Variants in KLHL29 observed in about 807,000 individuals in gnomAD.
KLHL29 encodes kelch like family member 29.
In KLHL29, 21 loss-of-function variants were observed where a neutral mutation model predicts 80.4. That is an observed-to-expected ratio of 0.26 (90% CI 0.19 to 0.38). The LOEUF is 0.38. Among genes scored for constraint, KLHL29 ranks in the 10% least tolerant of loss-of-function variants. KLHL29 has a pLI of 1.00. For missense variants in KLHL29, 867 were observed against 1,223.9 expected (o/e 0.71, Z 4.35); for synonymous variants, 511 against 526.8 (o/e 0.97, Z 0.41).
chr2:23,643,153 C>T (rs1205371639), intron 5 of KLHL29: 7 of 543,746 alleles, frequency 1.3e-5, no homozygotes, highest in Non-Finnish European at 1.7e-5. Flanking sequence ...TGGCCATTCT[C>T]ACCTCCAACC....
At chr2:23,493,656 T>C (rs143072348) in intron 2 of KLHL29, among the ~76,000 whole-genome samples, 99 of 152,242 alleles carry the variant, frequency 6.5e-4, no homozygotes, top group Middle Eastern at 3.4e-3. Context: ...TGTGTGTGTG[T>C]GCGCGCATGT....
rs1222422995 is a variant in KLHL29, at chr2:23,684,899, C to T, written c.1079+362C>T. On this transcript the variant is annotated intron_variant, in intron 6 of 13. Transcript: ENST00000486442. This position sits in a 1 kb window ranked among gnomAD's most constrained non-coding sequence, Gnocchi z 4.4. ...CTGTAGGCTCCATTTTAAGGGATCACTACACACTGCCCCCACCGGGCCAGA... is the reference window on the plus strand; with the variant it reads ...CTGTAGGCTCCATTTTAAGGGATCATTACACACTGCCCCCACCGGGCCAGA... Among the ~76,000 whole-genome samples, 1 of 152,156 alleles carries T rather than the reference C, an allele frequency of 6.6e-6. No homozygotes were observed. Among genetic ancestry groups the T allele is most frequent in the African/African-American group, 2.4e-5 (1 of 41,446 alleles).
At chr2:23,463,070 T>C (rs1378295928) in intron 1 of KLHL29, among the ~76,000 whole-genome samples, 1 of 142,426 alleles carries the variant, frequency 7.0e-6, no homozygotes, top group Non-Finnish European at 1.6e-5. Context: ...TTGCCTCCCA[T>C]GTTTTTTTTT....
At chr2:23,576,384 T>C (rs1026564415) in intron 3 of KLHL29, among the ~76,000 whole-genome samples, 5 of 151,794 alleles carry the variant, frequency 3.3e-5, no homozygotes, top group Non-Finnish European at 7.4e-5. Flanking sequence ...GGAGATGATA[T>C]TGAGCAAAAT....
At chr2:23,506,707 G>A (rs1211948258) in intron 2 of KLHL29, among the ~76,000 whole-genome samples, 2 of 152,204 alleles carry the variant, frequency 1.3e-5, no homozygotes, top group Admixed American at 1.3e-4. Flanking sequence ...GGACCATGTG[G>A]CTCAGCAGCC....
intron 11 of KLHL29, chr2:23,697,896 G>GA (rs1267580225): frequency 6.6e-6 from 1 of 152,162 alleles, no homozygotes; most frequent in African/African-American, 2.4e-5. Context: ...ACAAACACAT[G>GA]AAAAATGAGA....
At chr2:23,489,923 T>C (rs1202893423) in intron 2 of KLHL29, among the ~76,000 whole-genome samples, 1 of 152,154 alleles carries the variant, frequency 6.6e-6, no homozygotes, top group East Asian at 1.9e-4. Flanking sequence ...GGAGACTCCT[T>C]GTCCACTCTA....
At chr2:23,532,542 C>A (rs1438405764) in intron 2 of KLHL29, 1 of 456,526 alleles carries the variant, frequency 2.2e-6, no homozygotes, top group Non-Finnish European at 4.4e-6. Flanking sequence ...TTTCTTGCTC[C>A]TATGTTAAAA....
rs548583147 is a variant in KLHL29 at position 23,707,751 on chromosome 2, T to G, written c.*1087T>G. The stretch of plus-strand genomic sequence containing the variant: ...AAGCACAGGAGACTATTTTTGATAT[T>G]CATAGCTATATATTAAGGCACCTGC... On this transcript the variant is annotated 3_prime_UTR_variant, in exon 14 of 14. Transcript: ENST00000486442. 5.3e-5 allele frequency: 8 copies of G among 152,170 alleles called. No individual in the cohort carries two copies. Among genetic ancestry groups the G allele is most frequent in the Non-Finnish European group, 1.2e-4 (8 of 68,050 alleles). The allele number at this position is 152,170 out of a possible 1,614,324, so 9.4% of individuals were successfully genotyped here.
At chr2:23,510,111 A>G (rs1407844596) in intron 2 of KLHL29, among the ~76,000 whole-genome samples, 2 of 152,070 alleles carry the variant, frequency 1.3e-5, no homozygotes, top group Non-Finnish European at 2.9e-5. Flanking sequence ...ACGGAGGTGG[A>G]GCTGAGAGCA....
In KLHL29 at chr2:23,648,000, A is replaced by G. The variant is rs377233558; in HGVS notation, c.940+5150A>G. ...AGCACTGAGCTGAGAATCACCCACC[A>G]GGGTTCTGTGACTTCCCCTTCCCTT... On this transcript the variant is annotated intron_variant, in intron 5 of 13. Coordinates refer to ENST00000486442, the MANE Select transcript of KLHL29 (RefSeq NM_052920.2). The surrounding 1 kb of genome is among the most constrained non-coding windows in gnomAD (Gnocchi z 4.9). Among the ~76,000 whole-genome samples, 25 of 152,226 alleles carry G rather than the reference A, an allele frequency of 1.6e-4. No homozygotes were observed. In the South Asian group the frequency reaches 3.7e-3, roughly 23 times the overall value.
intron 7 of KLHL29, among the ~76,000 whole-genome samples, chr2:23,692,080 AG>A (rs1671646918): frequency 1.3e-5 from 2 of 152,202 alleles, no homozygotes; most frequent in Non-Finnish European, 2.9e-5. Flanking sequence ...TGGAATGAAG[AG>A]GACTCCGTGT....
At chr2:23,598,100 A>G (rs1001702509) in intron 3 of KLHL29, among the ~76,000 whole-genome samples, 1 of 152,244 alleles carries the variant, frequency 6.6e-6, no homozygotes, top group Non-Finnish European at 1.5e-5. Flanking sequence ...GGTACAAATA[A>G]TAACCAGCCT....
chr2:23,700,136 T>C lies in KLHL29; in HGVS notation c.2106-3050T>C, dbSNP rs1290915076. On this transcript the variant is annotated intron_variant, in intron 11 of 13. Coordinates refer to ENST00000486442, the MANE Select transcript of KLHL29 (RefSeq NM_052920.2). The surrounding 1 kb of genome is among the most constrained non-coding windows in gnomAD (Gnocchi z 4.6). ...ATCATCAGCACTCCCGTCTCTTTCATACACATTTAATCTTTCATTATCCAG... is the reference window on the plus strand; with the variant it reads ...ATCATCAGCACTCCCGTCTCTTTCACACACATTTAATCTTTCATTATCCAG... Among the ~76,000 whole-genome samples the C allele has an allele frequency of 1.3e-5, 2 of 152,216 alleles. No homozygotes were observed. Among genetic ancestry groups the C allele is most frequent in the African/African-American group, 4.8e-5 (2 of 41,458 alleles).
intron 1 of KLHL29, among the ~76,000 whole-genome samples, chr2:23,445,189 C>T (rs964658831): frequency 6.6e-6 from 1 of 152,192 alleles, no homozygotes; most frequent in Non-Finnish European, 1.5e-5. Context: ...AAAGTCAAAA[C>T]CATATAATAC....
chr2:23,517,532 G>A (rs980167930), intron 2 of KLHL29, among the ~76,000 whole-genome samples: 15 of 152,248 alleles, frequency 9.9e-5, no homozygotes, highest in Non-Finnish European at 7.3e-5. Context: ...CCGACAGAGC[G>A]AGACTCCGTC....
intron 1 of KLHL29, among the ~76,000 whole-genome samples, chr2:23,434,569 T>C (rs1455057100): frequency 6.6e-6 from 1 of 152,194 alleles, no homozygotes; most frequent in Non-Finnish European, 1.5e-5. Flanking sequence ...TTGGGCCTTG[T>C]AGACGGGAAG....
chr2:23,443,973 T>A (rs1045305859), intron 1 of KLHL29, among the ~76,000 whole-genome samples: 1 of 152,226 alleles, frequency 6.6e-6, no homozygotes, highest in Non-Finnish European at 1.5e-5. Context: ...AAATGGTGAT[T>A]TTTAAAATCC....
chr2:23,409,154 A>G (rs1666801971), intron 1 of KLHL29, among the ~76,000 whole-genome samples: 1 of 152,166 alleles, frequency 6.6e-6, no homozygotes, highest in Non-Finnish European at 1.5e-5. Flanking sequence ...CACTTTCCCC[A>G]TTGGTGATCC....
Sources: gnomAD v4.1 joint callset for allele counts (sites outside exome capture counted in the v4.1 genomes callset) on GRCh38, gnomAD v4.1.1 for gene constraint, Gnocchi (gnomAD v3.1) non-coding constraint, MANE v1.5 for transcripts, NCBI Gene and HGNC (gene_info 2026-07-23, HGNC 2026-07-21) for gene names.